The following KANK1 variants were observed in gnomAD, a reference collection of about 807,000 sequenced individuals.
KANK1 encodes KN motif and ankyrin repeat domains 1.
A neutral mutation model predicts 106.2 loss-of-function variants in KANK1; 109 were observed. The ratio of observed to expected loss-of-function variants is 1.03; its 90% CI spans 0.88 to 1.20. KANK1 has a LOEUF of 1.20. KANK1 is among the 50% of genes most tolerant of loss of function. The pLI, the probability that KANK1 is intolerant of heterozygous loss-of-function variation, is 0.00. For missense variants in KANK1, 2,399 were observed against 1,710.7 expected, an observed-to-expected ratio of 1.40 and a Z score of -7.10; for synonymous variants, 873 against 652.2, an observed-to-expected ratio of 1.34 and a Z score of -5.16.
chr9:621,855 G>A (rs937306480), intron 1 of KANK1, among the ~76,000 whole-genome samples: 1 of 152,108 alleles, frequency 6.6e-6, no homozygotes, highest in African/African-American at 2.4e-5. Context: ...TGCCCTCGCC[G>A]GTGGAAGGGG....
At chr9:577,586 A>G (rs989783877) in intron 1 of KANK1, among the ~76,000 whole-genome samples, 13 of 152,184 alleles carry the variant, frequency 8.5e-5, no homozygotes, top group African/African-American at 1.2e-4. Flanking sequence ...CATCTCCCAG[A>G]TAGCTTGTGC....
At chr9:657,902 G>A (rs1842494952) in intron 1 of KANK1, among the ~76,000 whole-genome samples, 1 of 151,828 alleles carries the variant, frequency 6.6e-6, no homozygotes. Flanking sequence ...TGTGGGGGTG[G>A]TATAGGCTCT....
Position 740,769 on chromosome 9 carries a change from CTTTTT to C in KANK1, c.3554-9_3554-5del, listed in dbSNP as rs58169581. ...TTAGAAGGGGCTGCTTCCTAAGAGACTTTTTTTTTTTTTTTTTTACAGATGTGTGT... is the reference window on the plus strand; with the variant it reads ...TTAGAAGGGGCTGCTTCCTAAGAGACTTTTTTTTTTTTTACAGATGTGTGT... On this transcript the variant is annotated intron_variant, in intron 8 of 11. Coordinates refer to ENST00000382297, the MANE Select transcript of KANK1 (RefSeq NM_015158.5). The C allele has an allele frequency of 7.5e-3, 11,098 of 1,472,042 alleles. No individual in the cohort carries two copies. Among genetic ancestry groups the C allele is most frequent in the Non-Finnish European group, 8.4e-3 (9,184 of 1,088,778 alleles). 91.2% of individuals were successfully genotyped at this position (1,472,042 alleles called of 1,614,324 possible).
chr9:742,624 T>C (rs1564141847), intron 10 of KANK1, among the ~76,000 whole-genome samples: 1 of 152,102 alleles, frequency 6.6e-6, no homozygotes. Context: ...GCAGAATAAA[T>C]AGGCCCTACC....
intron 1 of KANK1, among the ~76,000 whole-genome samples, chr9:526,920 C>T (rs955830587): frequency 6.6e-6 from 1 of 151,696 alleles, no homozygotes; most frequent in Non-Finnish European, 1.5e-5. Flanking sequence ...TCTTCTCCTG[C>T]TGTAATATTA....
chr9:668,825 G>T (rs867774130), intron 1 of KANK1, among the ~76,000 whole-genome samples: 1 of 152,114 alleles, frequency 6.6e-6, no homozygotes, highest in African/African-American at 2.4e-5. Flanking sequence ...GGATGAAACT[G>T]TTCTACCTCA....
intron 1 of KANK1, among the ~76,000 whole-genome samples, chr9:666,962 C>T (rs80306158): frequency 0.011 from 1,533 of 136,812 alleles, 30 homozygotes; most frequent in African/African-American, 0.04. Flanking sequence ...GGGTAATGCC[C>T]GCCTTGCCGG....
intron 1 of KANK1, among the ~76,000 whole-genome samples, chr9:582,314 G>C (rs942694312): frequency 1.3e-5 from 2 of 152,106 alleles, no homozygotes; most frequent in African/African-American, 2.4e-5. Flanking sequence ...TTGTTTGGCT[G>C]TTTCCAAAAC....
intron 2 of KANK1, among the ~76,000 whole-genome samples, chr9:709,535 C>G (rs1476077330): frequency 6.6e-6 from 1 of 151,378 alleles, no homozygotes; most frequent in Non-Finnish European, 1.5e-5. Flanking sequence ...AAACAGGAAT[C>G]TTAATGTCTG....
rs774952373 is a variant in KANK1, at chr9:712,876, G to A, written c.2110G>A (p.Asp704Asn). 16 of 1,613,824 alleles carry A rather than the reference G, an allele frequency of 9.9e-6. No homozygotes were observed. In the East Asian group the frequency reaches 3.6e-4, roughly 36 times the overall value. The change falls in exon 3 of 12, where the codon GAC (aspartate) becomes AAC (asparagine). Residue 704 changes from aspartate (D) to asparagine (N), a missense_variant. Physicochemically the swap from Asp to Asn is conservative, Grantham distance 23 (BLOSUM62 1). Transcript: ENST00000382297. ...CACCAACACTTGTCTAAGCACTTTG[G>A]ACAAGCAGACCAGCACCCAGACTGT... The part of the protein sequence containing the change: ...SCTNTCLSTL[D>N]KQTSTQTVET...
At chr9:656,156 C>T (rs186434526) in intron 1 of KANK1, among the ~76,000 whole-genome samples, 1 of 152,220 alleles carries the variant, frequency 6.6e-6, no homozygotes, top group Non-Finnish European at 1.5e-5. Flanking sequence ...TGAGCCCAAC[C>T]TTTCAGGCCT....
chr9:633,457 C>G (rs1836303306), intron 1 of KANK1, among the ~76,000 whole-genome samples: 1 of 152,028 alleles, frequency 6.6e-6, no homozygotes, highest in African/African-American at 2.4e-5. Flanking sequence ...GACTCCGTCT[C>G]AAAAACAAAA....
rs1178219183 is a variant in KANK1 at position 740,887 on chromosome 9, G to A, written c.3649G>A (p.Val1217Met). 1.9e-6 allele frequency: 3 copies of A among 1,614,168 alleles called. No homozygotes were observed. The East Asian group carries it at 6.7e-5, about 36-fold the overall frequency. Residue 1217 changes from valine to methionine, a missense_variant, in exon 9 of 12, where the codon GTG (valine) becomes ATG (methionine). Coordinates refer to ENST00000382297, the MANE Select transcript of KANK1 (RefSeq NM_015158.5). ...AVEAEKDMRI[V>M]EELFGCGDVN... ...GGAAGCAGAGAAGGACATGCGGATT[G>A]TGGAAGAACTCTTCGGCTGTGGGGA...
At chr9:652,342 G>A (rs1222646004) in intron 1 of KANK1, among the ~76,000 whole-genome samples, 4 of 152,084 alleles carry the variant, frequency 2.6e-5, no homozygotes, top group African/African-American at 9.7e-5. Flanking sequence ...CCAACATGGT[G>A]AAACCCCGTA....
At chr9:472,124 A>G (rs1446631722) in intron 2 of KANK1, among the ~76,000 whole-genome samples, 2 of 152,198 alleles carry the variant, frequency 1.3e-5, no homozygotes, top group Admixed American at 6.5e-5. Flanking sequence ...AAACTTTTCT[A>G]TCAGGGAATA....
intron 1 of KANK1, among the ~76,000 whole-genome samples, chr9:590,353 A>G (rs1044497994): frequency 1.3e-5 from 2 of 152,122 alleles, no homozygotes; most frequent in Non-Finnish European, 2.9e-5. Context: ...GGTGCTCCCC[A>G]AAGTCCCTTT....
At chr9:612,686 C>G (rs1830854033) in intron 1 of KANK1, among the ~76,000 whole-genome samples, 1 of 152,176 alleles carries the variant, frequency 6.6e-6, no homozygotes, top group Non-Finnish European at 1.5e-5. Flanking sequence ...GTCCCTTCAG[C>G]TGAAGAAGCT....
intron 3 of KANK1, among the ~76,000 whole-genome samples, chr9:493,360 C>G (rs369498367): frequency 2.6e-5 from 4 of 152,080 alleles, no homozygotes; most frequent in African/African-American, 4.8e-5. Flanking sequence ...AGTGAAGAAG[C>G]CTTCTCAGAA....
intron 1 of KANK1, among the ~76,000 whole-genome samples, chr9:655,132 G>T (rs1302239189): frequency 6.6e-6 from 1 of 152,140 alleles, no homozygotes; most frequent in African/African-American, 2.4e-5. Context: ...CACTCTAGGA[G>T]GCCAAGGCGA....
Sources: allele counts gnomAD v4.1 joint callset (sites outside exome capture counted in the v4.1 genomes callset), GRCh38; gene constraint gnomAD v4.1.1; transcripts MANE v1.5; gene names NCBI Gene and HGNC (gene_info 2026-07-23, HGNC 2026-07-21).